Variants in PLAAT3 observed in about 807,000 individuals in gnomAD.
The protein encoded by PLAAT3 is Ca-independent phospholipase A1/2.
In PLAAT3, 21 loss-of-function variants were observed where a neutral mutation model predicts 16.7. The ratio of observed to expected loss-of-function variants is 1.26; its 90% CI spans 0.89 to 1.81. PLAAT3 has a LOEUF of 1.81. Ranked by LOEUF, PLAAT3 falls within the 40% of genes most tolerant of loss-of-function variation. PLAAT3 has a pLI of 0.00. For missense variants in PLAAT3, 219 were observed against 213.7 expected, an observed-to-expected ratio of 1.02 and a Z score of -0.16; for synonymous variants, 76 against 81.7, an observed-to-expected ratio of 0.93 and a Z score of 0.38.
intron 2 of PLAAT3, among the ~76,000 whole-genome samples, chr11:63,611,563 TTC>T (rs1190016313): frequency 6.6e-6 from 1 of 152,208 alleles, no homozygotes; most frequent in Admixed American, 6.5e-5. Flanking sequence ...CAGCCATAAG[TTC>T]TGTTTCAACA....
intron 4 of PLAAT3, among the ~76,000 whole-genome samples, chr11:63,580,812 G>A (rs1937788652): frequency 6.6e-6 from 1 of 152,228 alleles, no homozygotes; most frequent in East Asian, 1.9e-4. Flanking sequence ...TTTGAAAATA[G>A]ATGGGGACTA....
intron 2 of PLAAT3, among the ~76,000 whole-genome samples, chr11:63,610,985 G>T (rs935567646): frequency 6.6e-6 from 1 of 152,084 alleles, no homozygotes; most frequent in Non-Finnish European, 1.5e-5. Context: ...CCTGGGGGCG[G>T]CTACAACAAC....
At chr11:63,609,220 G>C (rs1026607014) in intron 2 of PLAAT3, among the ~76,000 whole-genome samples, 9 of 152,210 alleles carry the variant, frequency 5.9e-5, no homozygotes, top group African/African-American at 9.6e-5. Flanking sequence ...TGACGCCCTG[G>C]GGGGAAAGCC....
At chr11:63,580,745 C>G (rs1937786686) in intron 4 of PLAAT3, among the ~76,000 whole-genome samples, 1 of 152,186 alleles carries the variant, frequency 6.6e-6, no homozygotes, top group Non-Finnish European at 1.5e-5. Flanking sequence ...AGAAGACAGA[C>G]AGAAGAGTTA....
At chr11:63,615,679 T>G (rs568623164), upstream of PLAAT3, among the ~76,000 whole-genome samples, 23 of 151,540 alleles carry the variant, frequency 1.5e-4, no homozygotes, top group African/African-American at 2.4e-4. Flanking sequence ...GTTTTTTGTT[T>G]TTTTTTTTTT....
At chr11:63,606,792 G>A (rs1005063109) in intron 2 of PLAAT3, among the ~76,000 whole-genome samples, 1 of 152,196 alleles carries the variant, frequency 6.6e-6, no homozygotes, top group South Asian at 2.1e-4. Context: ...GGTGGGAAGC[G>A]GGGGTAGAAC....
At chr11:63,580,733 G>A (rs956622610) in intron 4 of PLAAT3, among the ~76,000 whole-genome samples, 3 of 152,168 alleles carry the variant, frequency 2.0e-5, no homozygotes, top group Admixed American at 1.3e-4. Flanking sequence ...TCCTTAAAAG[G>A]TAGAAGACAG....
rs563412510 is a variant in PLAAT3, at chr11:63,601,942, T to C, written c.16-3779A>G. On this transcript the variant is annotated intron_variant, in intron 2 of 4. Transcript: ENST00000415826. ...TTGCAGTGAGCAGAGATTGCACCAT[T>C]GCATTCCAGCCTGGGTGACAAGAGC... Among the ~76,000 whole-genome samples the C allele has an allele frequency of 2.3e-3, 312 of 135,558 alleles. 1 individual carries two copies. Among genetic ancestry groups the C allele is most frequent in the Non-Finnish European group, 3.6e-3 (240 of 65,836 alleles). The allele number at this position is 135,558 out of a possible 152,430, so 88.9% of individuals were successfully genotyped here.
rs576615004 is a variant in PLAAT3 at position 63,612,915 on chromosome 11, A to G, written c.15+1085T>C. On this transcript the variant is annotated intron_variant, in intron 2 of 4. Transcript: ENST00000415826. ...CATTATTACTATTCATTGCATGATT[A>G]TTGCTAAAAATAATGTTATCAGATA... 1.9e-4 allele frequency among the ~76,000 whole-genome samples: 29 copies of G among 152,340 alleles called. No homozygotes were observed. The South Asian group carries it at 5.2e-3, about 27-fold the overall frequency.
upstream of PLAAT3, among the ~76,000 whole-genome samples, chr11:63,615,082 A>ATGTGTG (rs1938809361): frequency 3.0e-5 from 1 of 33,100 alleles, no homozygotes; most frequent in African/African-American, 6.3e-5. Flanking sequence ...ATATGTGTGT[A>ATGTGTG]TATATGTGTA....
intron 4 of PLAAT3, among the ~76,000 whole-genome samples, chr11:63,589,814 C>T (rs1938093666): frequency 6.6e-6 from 1 of 152,270 alleles, no homozygotes; most frequent in Non-Finnish European, 1.5e-5. Context: ...GGAGGGCCAT[C>T]TCAGGGACAG....
At chr11:63,579,348 C>A (rs1220966460) in intron 4 of PLAAT3, among the ~76,000 whole-genome samples, 1 of 152,160 alleles carries the variant, frequency 6.6e-6, no homozygotes, top group Non-Finnish European at 1.5e-5. Flanking sequence ...AGAAATAACA[C>A]TTGACCCAGC....
At chr11:63,595,739 T>C (rs749813459) in intron 3 of PLAAT3, among the ~76,000 whole-genome samples, 9 of 152,160 alleles carry the variant, frequency 5.9e-5, no homozygotes, top group Admixed American at 1.3e-4. Context: ...ACTATGCTTG[T>C]ACATTTTACA....
intron 4 of PLAAT3, among the ~76,000 whole-genome samples, chr11:63,580,441 G>C (rs756588597): frequency 1.3e-5 from 2 of 152,180 alleles, no homozygotes; most frequent in African/African-American, 2.4e-5. Context: ...GGATCACGAG[G>C]TCAGGAGTTC....
intron 3 of PLAAT3, among the ~76,000 whole-genome samples, chr11:63,596,196 C>A (rs772439135): frequency 7.2e-6 from 1 of 138,122 alleles, no homozygotes; most frequent in Non-Finnish European, 1.5e-5. Flanking sequence ...GCCGAGATCG[C>A]GCCACTACAC....
At chr11:63,579,125 C>T (rs1937714711) in intron 4 of PLAAT3, among the ~76,000 whole-genome samples, 4 of 152,180 alleles carry the variant, frequency 2.6e-5, no homozygotes, top group African/African-American at 9.7e-5. Flanking sequence ...TGAAAAAATG[C>T]TCATCATCAC....
chr11:63,580,915 T>C (rs748883678), intron 4 of PLAAT3, among the ~76,000 whole-genome samples: 1 of 152,182 alleles, frequency 6.6e-6, no homozygotes, highest in Non-Finnish European at 1.5e-5. Flanking sequence ...ATTGTTAAGA[T>C]TTCATGGACA....
chr11:63,611,108 T>C (rs1374351578), intron 2 of PLAAT3, among the ~76,000 whole-genome samples: 1 of 152,238 alleles, frequency 6.6e-6, no homozygotes, highest in East Asian at 1.9e-4. Flanking sequence ...TTTTTTGTTT[T>C]ATTGTGTTTT....
intron 4 of PLAAT3, among the ~76,000 whole-genome samples, chr11:63,586,042 C>A (rs1358052499): frequency 6.6e-6 from 1 of 152,114 alleles, no homozygotes; most frequent in African/African-American, 2.4e-5. Flanking sequence ...CAAAGTGAGA[C>A]CCTGTCTCTA....
Sources: gnomAD v4.1 joint callset for allele counts (sites outside exome capture counted in the v4.1 genomes callset) on GRCh38, gnomAD v4.1.1 for gene constraint, MANE v1.5 for transcripts, NCBI Gene and HGNC (gene_info 2026-07-23, HGNC 2026-07-21) for gene names.